Variants in RALYL observed in about 807,000 individuals in gnomAD.
RALYL encodes RALY RNA binding protein like.
RALYL carries 29 observed loss-of-function variants against 35.1 expected under a neutral mutation model. The ratio of observed to expected loss-of-function variants is 0.83; its 90% CI spans 0.61 to 1.13. The LOEUF is 1.13. Ranked by LOEUF, RALYL falls within the 50% of genes most tolerant of loss-of-function variation. RALYL has a pLI of 0.00. For missense variants in RALYL, 359 were observed against 360.4 expected (o/e 1.00, Z 0.03); for synonymous variants, 120 against 127.6 (o/e 0.94, Z 0.40).
intron 1 of RALYL, among the ~76,000 whole-genome samples, chr8:84,239,140 T>C (rs1159329742): frequency 6.6e-6 from 1 of 152,200 alleles, no homozygotes; most frequent in Non-Finnish European, 1.5e-5. Context: ...TCTTGATGTA[T>C]GGTTTGACCA....
intron 1 of RALYL, among the ~76,000 whole-genome samples, chr8:84,343,406 T>C (rs1330677572): frequency 6.6e-6 from 1 of 152,018 alleles, no homozygotes; most frequent in Admixed American, 6.6e-5. Context: ...CCTTTCTACA[T>C]AGCTCAGCAA....
chr8:84,197,457 T>C (rs1340313807), intron 1 of RALYL, among the ~76,000 whole-genome samples: 2 of 152,240 alleles, frequency 1.3e-5, no homozygotes, highest in African/African-American at 4.8e-5. Context: ...TTTTACATCC[T>C]ATTTACATTT....
At chr8:84,694,249 G>T (rs1422914249) in intron 2 of RALYL, among the ~76,000 whole-genome samples, 1 of 151,874 alleles carries the variant, frequency 6.6e-6, no homozygotes, top group Non-Finnish European at 1.5e-5. Flanking sequence ...CAGTCCATTA[G>T]AACTGATAAA....
intron 2 of RALYL, among the ~76,000 whole-genome samples, chr8:84,627,510 C>G (rs1422299025): frequency 2.7e-5 from 4 of 149,560 alleles, no homozygotes; most frequent in East Asian, 2.0e-4. Context: ...CTCCTAGGGT[C>G]TCTTTAATAC....
intron 2 of RALYL, among the ~76,000 whole-genome samples, chr8:84,557,980 A>G (rs896139945): frequency 4.6e-5 from 7 of 152,166 alleles, no homozygotes; most frequent in Non-Finnish European, 1.0e-4. Context: ...GTAAGCTGTT[A>G]CTTAGTTTCG....
intron 1 of RALYL, among the ~76,000 whole-genome samples, chr8:84,481,006 C>T (rs965959107): frequency 2.0e-5 from 3 of 152,218 alleles, no homozygotes; most frequent in Middle Eastern, 6.8e-3. Flanking sequence ...TTACAGATCT[C>T]TGAACATATT....
intron 2 of RALYL, among the ~76,000 whole-genome samples, chr8:84,690,895 T>C (rs1837897556): frequency 6.6e-6 from 1 of 152,020 alleles, no homozygotes; most frequent in Non-Finnish European, 1.5e-5. Context: ...AATTCACATT[T>C]TAAAATAAAT....
intron 2 of RALYL, among the ~76,000 whole-genome samples, chr8:84,585,306 G>A (rs1048722166): frequency 1.3e-5 from 2 of 152,064 alleles, no homozygotes; most frequent in Admixed American, 6.6e-5. Flanking sequence ...AGCCCTCTGG[G>A]AAAAGTCTAA....
chr8:84,196,066 A>G (rs1815188925), intron 1 of RALYL, among the ~76,000 whole-genome samples: 2 of 152,356 alleles, frequency 1.3e-5, no homozygotes, highest in East Asian at 1.9e-4. Context: ...GAAAATATCT[A>G]TGCTTTTAGA....
chr8:84,804,803 G>T lies in RALYL; in HGVS notation c.365+1G>T. ...CAAAGGAACCTTTCCTGTCTGTTGG[G>T]TAAGTATATATTTAAATACTTTAAG... On this transcript the variant is annotated splice_donor_variant, in intron 4 of 8. Transcript: ENST00000521268. LOFTEE classifies it high-confidence loss of function. The T allele has an allele frequency of 8.8e-7, 1 of 1,136,940 alleles. No individual in the cohort carries two copies. The highest frequency in any genetic ancestry group is 1.2e-6 in the Non-Finnish European group (1 of 867,484). The allele number at this position is 1,136,940 out of a possible 1,614,324, so 70.4% of individuals were successfully genotyped here.
At chr8:84,485,279 A>G (rs1390106517) in intron 1 of RALYL, among the ~76,000 whole-genome samples, 1 of 152,054 alleles carries the variant, frequency 6.6e-6, no homozygotes, top group Non-Finnish European at 1.5e-5. Flanking sequence ...TCTCATACTC[A>G]ATATGCCCAG....
At chr8:84,579,627 T>C (rs1385904067) in intron 2 of RALYL, among the ~76,000 whole-genome samples, 1 of 152,248 alleles carries the variant, frequency 6.6e-6, no homozygotes, top group Non-Finnish European at 1.5e-5. Flanking sequence ...TCTTTTTTGC[T>C]TTCTTATTTT....
At chr8:84,231,405 G>T (rs965613110) in intron 1 of RALYL, among the ~76,000 whole-genome samples, 1 of 152,068 alleles carries the variant, frequency 6.6e-6, no homozygotes, top group Non-Finnish European at 1.5e-5. Flanking sequence ...TATAAGAAAG[G>T]TTACAATATA....
At chr8:84,417,835 T>C (rs1424606869) in intron 1 of RALYL, among the ~76,000 whole-genome samples, 1 of 152,134 alleles carries the variant, frequency 6.6e-6, no homozygotes, top group Non-Finnish European at 1.5e-5. Flanking sequence ...AATGGGAACA[T>C]ATTAAAATCC....
At chr8:84,464,131 GT>G (rs200511337) in intron 1 of RALYL, among the ~76,000 whole-genome samples, 13,545 of 132,590 alleles carry the variant, frequency 0.1, 670 homozygotes, top group East Asian at 0.16. Context: ...ATTAAAACAA[GT>G]TTTTTTTTTG....
intron 1 of RALYL, among the ~76,000 whole-genome samples, chr8:84,292,167 T>G (rs1838886862): frequency 6.6e-6 from 1 of 152,102 alleles, no homozygotes; most frequent in Non-Finnish European, 1.5e-5. Flanking sequence ...AAAGTTTCAA[T>G]GCTTGGAGAA....
intron 1 of RALYL, among the ~76,000 whole-genome samples, chr8:84,241,726 C>A (rs557850628): frequency 3.5e-4 from 52 of 148,170 alleles, no homozygotes; most frequent in African/African-American, 1.3e-3. Context: ...TGCCATGAAC[C>A]AAGATTGTGC....
At chr8:84,291,259 C>T (rs1338855852) in intron 1 of RALYL, among the ~76,000 whole-genome samples, 3 of 152,148 alleles carry the variant, frequency 2.0e-5, no homozygotes, top group Non-Finnish European at 2.9e-5. Context: ...AAAAGAAGCA[C>T]TATTGGCTGA....
rs112268188 is a variant in RALYL, at chr8:84,274,559, G to T, written c.-24+90135G>T. ...ATTTTTGCGCCTGAGTCTTTTTTGG[G>T]CAATAAAGCAAATCAAAAACATTTA... is the stretch of plus-strand genomic sequence containing the variant. On this transcript the variant is annotated intron_variant, in intron 1 of 8. Coordinates refer to ENST00000521268, the MANE Select transcript of RALYL (RefSeq NM_173848.7). Among the ~76,000 whole-genome samples, 61 of 152,042 alleles carry T rather than the reference G, an allele frequency of 4.0e-4. 1 individual carries two copies. The highest frequency in any genetic ancestry group is 1.4e-3 in the African/African-American group (60 of 41,484).
Sources: allele counts gnomAD v4.1 joint callset (sites outside exome capture counted in the v4.1 genomes callset), GRCh38; gene constraint gnomAD v4.1.1; transcripts MANE v1.5; gene names NCBI Gene and HGNC (gene_info 2026-07-23, HGNC 2026-07-21).